Variants in ERLIN1 observed in about 807,000 individuals in gnomAD.
ERLIN1 encodes erlin-1.
ERLIN1 carries 24 observed loss-of-function variants against 46.9 expected under a neutral mutation model. The observed-to-expected ratio is 0.51, with a 90% CI of 0.37 to 0.72. The LOEUF (loss-of-function observed/expected upper bound fraction) is 0.72. Among genes scored for constraint, ERLIN1 ranks in the 30% least tolerant of loss-of-function variants. The probability of loss-of-function intolerance (pLI) is 0.00; values close to 1 mark genes in which losing one functional copy is unlikely to be tolerated. For synonymous variants in ERLIN1, 158 were observed against 143.2 expected, an observed-to-expected ratio of 1.10 and a Z score of -0.74; for missense variants, 293 against 417.9, an observed-to-expected ratio of 0.70 and a Z score of 2.61.
chr10:100,176,893 T>G (rs901689922), intron 4 of ERLIN1, among the ~76,000 whole-genome samples: 1 of 151,858 alleles, frequency 6.6e-6, no homozygotes, highest in Non-Finnish European at 1.5e-5. Flanking sequence ...GAGGCTGAGG[T>G]GGGTGGATCA....
intron 9 of ERLIN1, among the ~76,000 whole-genome samples, chr10:100,155,263 T>C (rs1226215999): frequency 6.6e-6 from 1 of 151,982 alleles, no homozygotes; most frequent in Non-Finnish European, 1.5e-5. Context: ...AGTCCAGACA[T>C]AAAAGCTCTA....
intron 5 of ERLIN1, among the ~76,000 whole-genome samples, chr10:100,175,179 A>G (rs12253348): frequency 0.14 from 20,625 of 152,230 alleles, 3,184 homozygotes; most frequent in African/African-American, 0.38. Flanking sequence ...CTGATACTGC[A>G]ATCCTTAGAA....
intron 7 of ERLIN1, among the ~76,000 whole-genome samples, chr10:100,165,318 C>G (rs1466965955): frequency 2.6e-5 from 4 of 151,800 alleles, no homozygotes; most frequent in African/African-American, 9.7e-5. Context: ...AAATGACAGT[C>G]TGAATACTAT....
In ERLIN1 at chr10:100,156,247, AACATAAGAAGAC is replaced by A; in HGVS notation, c.656-25_656-14del. On this transcript the variant is annotated splice_polypyrimidine_tract_variant and intron_variant, in intron 8 of 10. Coordinates refer to ENST00000421367, the MANE Select transcript of ERLIN1 (RefSeq NM_006459.4). ...ATCTTCTCTGCTTCTATAATCATAC[AACATAAGAAGAC>A]ACATTCAAAACCATTTCTACAGTAC... 6.3e-7 allele frequency: 1 copy of A among 1,582,414 alleles called. No homozygotes were observed. The highest frequency in any genetic ancestry group is 8.7e-7 in the Non-Finnish European group (1 of 1,152,748).
chr10:100,175,079 C>T (rs1844214016), intron 5 of ERLIN1, among the ~76,000 whole-genome samples: 1 of 152,180 alleles, frequency 6.6e-6, no homozygotes, highest in Non-Finnish European at 1.5e-5. Flanking sequence ...GAAAAGTGAG[C>T]TACCAACAGC....
chr10:100,175,901 ATT>A lies in ERLIN1; in HGVS notation c.430+42_430+43del, dbSNP rs752807312. 3.8e-6 allele frequency: 6 copies of A among 1,582,770 alleles called. No homozygotes were observed. The South Asian group carries it at 5.7e-5, about 15-fold the overall frequency. ...ACCTCAATAAGTAAGCTGAACAAAG[ATT>A]TCCAATTGGCTATTTACATACATAA... On this transcript the variant is annotated intron_variant, in intron 5 of 10. Transcript: ENST00000421367.
chr10:100,173,872 A>G (rs996320289), intron 6 of ERLIN1, among the ~76,000 whole-genome samples: 3 of 151,904 alleles, frequency 2.0e-5, no homozygotes, highest in African/African-American at 7.3e-5. Flanking sequence ...TTACACTTGA[A>G]CTCCCTTTTC....
At chr10:100,155,038 A>T in intron 9 of ERLIN1, 99 bp from the exon 10 acceptor site, 1 of 994,488 alleles carries the variant, frequency 1.0e-6, no homozygotes, top group East Asian at 2.5e-5. Context: ...TTTCACATTG[A>T]AAGTTTTAAA....
At chr10:100,172,315 C>T (rs948868125) in intron 6 of ERLIN1, among the ~76,000 whole-genome samples, 1 of 152,168 alleles carries the variant, frequency 6.6e-6, no homozygotes, top group African/African-American at 2.4e-5. Context: ...TGTTCATATA[C>T]ATTAAGAATA....
At chr10:100,181,087 C>T (rs748632068) in intron 2 of ERLIN1, among the ~76,000 whole-genome samples, 2 of 152,168 alleles carry the variant, frequency 1.3e-5, no homozygotes, top group Non-Finnish European at 2.9e-5. Context: ...TCCTTTATAA[C>T]ATTAATTCAG....
chr10:100,150,989 G>A lies in ERLIN1; in HGVS notation c.*1142C>T, dbSNP rs1191970525. 1 of 152,396 alleles carries A rather than the reference G, an allele frequency of 6.6e-6. No individual in the cohort carries two copies. The highest frequency in any genetic ancestry group is 1.5e-5 in the Non-Finnish European group (1 of 68,048). The allele number at this position is 152,396 out of a possible 1,614,324, so 9.4% of individuals were successfully genotyped here. ...CTTGGATTTAAGCATCTCTGGGCCA[G>A]GTGGGAAGGAGACAATGATGACCAA... On this transcript the variant is annotated 3_prime_UTR_variant, in exon 11 of 11. Transcript: ENST00000421367.
intron 3 of ERLIN1, 99 bp from the exon 4 acceptor site, chr10:100,178,293 T>G (rs1844432732): frequency 1.4e-6 from 1 of 731,138 alleles, no homozygotes; most frequent in Admixed American, 2.5e-5. Flanking sequence ...CATACTAATA[T>G]TCACTTAAAA....
intron 10 of ERLIN1, among the ~76,000 whole-genome samples, 162 bp downstream of exon 10, chr10:100,154,698 A>C (rs1256439009): frequency 6.6e-6 from 1 of 152,194 alleles, no homozygotes; most frequent in Non-Finnish European, 1.5e-5. Context: ...CTACCCAATC[A>C]ATGTGAAATA....
chr10:100,178,729 A>G (rs1402486807), intron 3 of ERLIN1, among the ~76,000 whole-genome samples: 1 of 152,204 alleles, frequency 6.6e-6, no homozygotes, highest in African/African-American at 2.4e-5. Context: ...CTGGTTAGGC[A>G]CTTCATATAC....
chr10:100,183,907 T>C (rs1844808976), intron 1 of ERLIN1, 70 bp from the exon 2 acceptor site: 5 of 1,091,752 alleles, frequency 4.6e-6, no homozygotes, highest in Admixed American at 1.8e-5. Context: ...TAAAATGCTA[T>C]AATAAATACT....
intron 8 of ERLIN1, among the ~76,000 whole-genome samples, chr10:100,159,975 A>G (rs1843276983): frequency 6.6e-6 from 1 of 152,038 alleles, no homozygotes; most frequent in South Asian, 2.1e-4. Context: ...CTCTGAAAAG[A>G]TAAATAAAAT....
chr10:100,169,124 T>C (rs979498907), intron 6 of ERLIN1, among the ~76,000 whole-genome samples: 22 of 152,174 alleles, frequency 1.4e-4, no homozygotes, highest in African/African-American at 4.1e-4. Flanking sequence ...CATGAGTAAG[T>C]TGCATCAAAA....
At chr10:100,161,385 A>G (rs1032715149) in intron 8 of ERLIN1, among the ~76,000 whole-genome samples, 2 of 152,248 alleles carry the variant, frequency 1.3e-5, no homozygotes, top group African/African-American at 4.8e-5. Context: ...TCTTTAATAA[A>G]TGTGCAAGAA....
At chr10:100,153,618 G>T (rs1207579167) in intron 10 of ERLIN1, among the ~76,000 whole-genome samples, 1 of 152,122 alleles carries the variant, frequency 6.6e-6, no homozygotes, top group Admixed American at 6.5e-5. Context: ...CATATCCTCT[G>T]TCGAAACACT....
Sources: gnomAD v4.1 joint callset for allele counts (sites outside exome capture counted in the v4.1 genomes callset) on GRCh38, gnomAD v4.1.1 for gene constraint, MANE v1.5 for transcripts, NCBI Gene and HGNC (gene_info 2026-07-23, HGNC 2026-07-21) for gene names.